Variants in SMG7 observed in about 807,000 individuals in gnomAD.
SMG7 encodes SMG7 nonsense mediated mRNA decay factor, also known as nonsense-mediated mRNA decay factor SMG7.
Under a neutral mutation model 148.2 loss-of-function variants are expected in SMG7, and 34 were observed. The ratio of observed to expected loss-of-function variants is 0.23; its 90% confidence interval spans 0.17 to 0.31. The LOEUF (loss-of-function observed/expected upper bound fraction) is 0.31, where lower values mean the gene tolerates loss of function less well. Ranked by LOEUF, SMG7 falls within the 10% of genes least tolerant of loss-of-function variation. The pLI, the probability that SMG7 is intolerant of heterozygous loss-of-function variation, is 1.00. For synonymous variants in SMG7, 492 were observed against 515.1 expected, an observed-to-expected ratio of 0.96 and a Z score of 0.61; for missense variants, 1,114 against 1,408.4, an observed-to-expected ratio of 0.79 and a Z score of 3.35.
At chr1:183,485,651 A>G (rs556681388) in intron 1 of SMG7, among the ~76,000 whole-genome samples, 1 of 152,212 alleles carries the variant, frequency 6.6e-6, no homozygotes, top group African/African-American at 2.4e-5. Context: ...TAATAGTACA[A>G]GTAGTGAATG....
chr1:183,509,081 T>C (rs942265749), intron 1 of SMG7, among the ~76,000 whole-genome samples: 2 of 152,208 alleles, frequency 1.3e-5, no homozygotes, highest in Admixed American at 6.5e-5. Flanking sequence ...CATGTGGTTG[T>C]TGTCTCAACT....
rs1266473088 is a variant in SMG7 at position 183,553,764 on chromosome 1, TTC to T, written c.*1838_*1839del. The T allele has an allele frequency of 6.5e-6, 1 of 152,928 alleles. No homozygotes were observed. The highest frequency in any genetic ancestry group is 1.5e-5 in the Non-Finnish European group (1 of 68,624). 9.5% of individuals were successfully genotyped at this position (152,928 alleles called of 1,614,324 possible). A position where few individuals can be genotyped will look rare whatever the true frequency, so the allele number is the denominator to read the frequency against. On this transcript the variant is annotated 3_prime_UTR_variant, in exon 23 of 23. Transcript: ENST00000688051. ...TTCAGCCCCTTCCCTGTGTCCACCT[TTC>T]TCTCCTCTTCCCAAGCCTTTTTCCT...
At chr1:183,481,114 T>C (rs1287731267) in intron 1 of SMG7, among the ~76,000 whole-genome samples, 2 of 152,196 alleles carry the variant, frequency 1.3e-5, no homozygotes, top group Admixed American at 6.5e-5. Flanking sequence ...TTCCTTAAAC[T>C]CATTTATCTG....
At chr1:183,507,947 C>T (rs1661291435) in intron 1 of SMG7, among the ~76,000 whole-genome samples, 2 of 152,030 alleles carry the variant, frequency 1.3e-5, no homozygotes, top group East Asian at 1.9e-4. Context: ...CAATATATTT[C>T]GATAGCTATG....
At chr1:183,508,739 GT>G (rs1661516935) in intron 1 of SMG7, among the ~76,000 whole-genome samples, 1 of 152,124 alleles carries the variant, frequency 6.6e-6, no homozygotes, top group African/African-American at 2.4e-5. Context: ...AAAAAAGTTA[GT>G]GGATAATAGT....
chr1:183,538,315 G>A, intron 11 of SMG7, 65 bp from the exon 12 acceptor site: 1 of 1,062,358 alleles, frequency 9.4e-7, no homozygotes, highest in Non-Finnish European at 1.5e-6. Flanking sequence ...AAAATTTAGT[G>A]AACAGTATTC....
intron 4 of SMG7, 59 bp from the exon 5 acceptor site, chr1:183,526,537 A>C (rs1247322837): frequency 8.6e-7 from 1 of 1,165,386 alleles, no homozygotes; most frequent in Non-Finnish European, 1.2e-6. Context: ...TACAGTTTAT[A>C]AACTTTACTT....
intron 14 of SMG7, 112 bp from the exon 15 acceptor site, chr1:183,544,241 A>C: frequency 1.4e-6 from 1 of 731,132 alleles, no homozygotes; most frequent in Non-Finnish European, 2.3e-6. Flanking sequence ...TATCTTCAGC[A>C]TGTACTTTTT....
intron 20 of SMG7, 152 bp downstream of exon 20, chr1:183,550,075 A>G (rs1287359445): frequency 2.9e-6 from 1 of 342,976 alleles, no homozygotes; most frequent in Non-Finnish European, 5.0e-6. Context: ...AAGGAAATAG[A>G]AAAAAAAAAA....
chr1:183,498,941 A>ATG (rs1187267200), intron 1 of SMG7, among the ~76,000 whole-genome samples: 2 of 152,146 alleles, frequency 1.3e-5, no homozygotes, highest in Non-Finnish European at 2.9e-5. Context: ...ACTCCTGGCA[A>ATG]CCACTGATCT....
Position 183,551,865 on chromosome 1 carries a change from G to A in SMG7, c.3498G>A (p.Glu1166=), listed in dbSNP as rs760371272. The A allele has an allele frequency of 1.3e-5, 21 of 1,613,710 alleles. No individual in the cohort carries two copies. The highest frequency in any genetic ancestry group is 1.7e-5 in the Non-Finnish European group (20 of 1,179,842). Residue 1166 remains glutamate, a synonymous_variant, in exon 23 of 23, where the codon GAG becomes GAA. Coordinates refer to ENST00000688051, the MANE Select transcript of SMG7 (RefSeq NM_001375584.1). ...SMMHPGPSAL[E]QLLMQQKQKQ... ...TGCATCCTGGACCTTCTGCTCTGGA[G>A]CAGCTGTTAATGCAGCAGAAGCAGA...
intron 11 of SMG7, among the ~76,000 whole-genome samples, chr1:183,537,716 T>C (rs1319727114): frequency 3.9e-5 from 6 of 152,248 alleles, no homozygotes; most frequent in Non-Finnish European, 2.9e-5. Flanking sequence ...TAGTATTATA[T>C]TGTTAGCATT....
intron 2 of SMG7, among the ~76,000 whole-genome samples, chr1:183,513,772 G>A (rs961854411): frequency 2.0e-5 from 3 of 151,960 alleles, no homozygotes; most frequent in African/African-American, 7.2e-5. Context: ...GCTCACGCCT[G>A]TAATCCCAGC....
chr1:183,553,065 C>T lies in SMG7; in HGVS notation c.*1134C>T. 2.6e-6 allele frequency: 4 copies of T among 1,536,210 alleles called. No homozygotes were observed. The highest frequency in any genetic ancestry group is 3.5e-6 in the Non-Finnish European group (4 of 1,146,926). On this transcript the variant is annotated 3_prime_UTR_variant, in exon 23 of 23. Coordinates refer to ENST00000688051, the MANE Select transcript of SMG7 (RefSeq NM_001375584.1). ...AGTATCTGCGTAGCCCACAGAGGGC[C>T]CAGGCCCCTGCCCAGCTGCAGTCTC...
chr1:183,534,773 A>G (rs1667445564), intron 10 of SMG7, among the ~76,000 whole-genome samples: 1 of 152,138 alleles, frequency 6.6e-6, no homozygotes, highest in Admixed American at 6.5e-5. Context: ...AGGCTGAGAC[A>G]GGAAAATCGC....
intron 4 of SMG7, among the ~76,000 whole-genome samples, chr1:183,519,281 G>A (rs1390423301): frequency 6.6e-6 from 1 of 152,016 alleles, no homozygotes; most frequent in Non-Finnish European, 1.5e-5. Context: ...ATTCATCACA[G>A]TTCATTTTTG....
chr1:183,528,203 A>G (rs1411294364), intron 6 of SMG7, among the ~76,000 whole-genome samples, 176 bp downstream of exon 6: 2 of 152,144 alleles, frequency 1.3e-5, no homozygotes, highest in Admixed American at 6.5e-5. Context: ...TTTTTTTTAC[A>G]AGTAAGATGA....
chr1:183,508,218 A>G, intron 1 of SMG7: 1 of 733,632 alleles, frequency 1.4e-6, no homozygotes, highest in African/African-American at 1.9e-5. Flanking sequence ...TTTGGAGACA[A>G]AGTCTCACTC....
intron 1 of SMG7, 52 bp downstream of exon 1, chr1:183,472,701 G>A: frequency 7.0e-7 from 1 of 1,429,062 alleles, no homozygotes; most frequent in Non-Finnish European, 9.2e-7. Flanking sequence ...GCAGGTTGGG[G>A]CATGGAGCAA....
Sources: gnomAD v4.1 joint callset for allele counts (sites outside exome capture counted in the v4.1 genomes callset) on GRCh38, gnomAD v4.1.1 for gene constraint, MANE v1.5 for transcripts, NCBI Gene and HGNC (gene_info 2026-07-23, HGNC 2026-07-21) for gene names.